CCDC197: variants seen among roughly 807,000 people sequenced by gnomAD.
CCDC197 encodes the protein coiled-coil domain containing 197, also known as uncharacterized protein CCDC197.
Under a neutral mutation model 13.4 loss-of-function variants are expected in CCDC197, and 24 were observed. The ratio of observed to expected loss-of-function variants is 1.80; its 90% CI spans 1.30 to 2.53. CCDC197 has a LOEUF of 2.53. Ranked by LOEUF, CCDC197 falls within the 30% of genes most tolerant of loss-of-function variation. The pLI, the probability that CCDC197 is intolerant of heterozygous loss-of-function variation, is 0.00. For synonymous variants in CCDC197, 99 were observed against 55.5 expected, an observed-to-expected ratio of 1.78 and a Z score of -3.48; for missense variants, 255 against 148.8, an observed-to-expected ratio of 1.71 and a Z score of -3.71.
intron 1 of CCDC197, among the ~76,000 whole-genome samples, chr14:93,990,099 T>G (rs1388606845): frequency 6.6e-6 from 1 of 152,212 alleles, no homozygotes; most frequent in Admixed American, 6.5e-5. Context: ...ATGCTCTGCT[T>G]TAAAGGGCTT....
chr14:93,991,877 G>A (rs1890218939), intron 1 of CCDC197, among the ~76,000 whole-genome samples: 2 of 152,210 alleles, frequency 1.3e-5, no homozygotes, highest in African/African-American at 4.8e-5. Flanking sequence ...AAAAGCCACT[G>A]TGAGAGGAAT....
chr14:94,004,340 T>A (rs868092500), intron 5 of CCDC197, among the ~76,000 whole-genome samples: 2 of 152,046 alleles, frequency 1.3e-5, no homozygotes, highest in South Asian at 2.1e-4. Context: ...ATGGAGTGAG[T>A]GTGAGACCTG....
At chr14:93,995,769 C>A (rs1034493067), upstream of CCDC197, among the ~76,000 whole-genome samples, 3 of 152,172 alleles carry the variant, frequency 2.0e-5, no homozygotes, top group Admixed American at 6.5e-5. Context: ...GAGCCCCTGT[C>A]CTCTCTGGAT....
intron 6 of CCDC197, among the ~76,000 whole-genome samples, chr14:94,008,150 AGATTGGGCCTCTG>A (rs1246376503): frequency 6.6e-6 from 1 of 152,266 alleles, no homozygotes; most frequent in African/African-American, 2.4e-5. Context: ...AGCAACAATC[AGATTGGGCCTCTG>A]GATTGACATC....
chr14:94,005,504 C>A (rs768410618), intron 6 of CCDC197, among the ~76,000 whole-genome samples: 1 of 152,130 alleles, frequency 6.6e-6, no homozygotes, highest in South Asian at 2.1e-4. Flanking sequence ...CTTTCCTCAC[C>A]GCCCCCATCA....
chr14:93,999,422 G>A (rs1344272042), intron 2 of CCDC197, 161 bp from the exon 3 acceptor site: 1 of 601,892 alleles, frequency 1.7e-6, no homozygotes, highest in African/African-American at 1.9e-5. Context: ...TGAAATGAAG[G>A]TGCAGAGACT....
At chr14:94,011,044 C>T (rs1345234577), downstream of CCDC197, among the ~76,000 whole-genome samples, 1 of 152,176 alleles carries the variant, frequency 6.6e-6, no homozygotes, top group Non-Finnish European at 1.5e-5. Context: ...AAAACCACTG[C>T]TTTAGAGTAA....
upstream of CCDC197, among the ~76,000 whole-genome samples, chr14:93,995,088 T>C (rs1890257542): frequency 6.6e-6 from 1 of 152,214 alleles, no homozygotes; most frequent in Non-Finnish European, 1.5e-5. Context: ...ATGGAAGTGC[T>C]TAGACCTGAG....
downstream of CCDC197, among the ~76,000 whole-genome samples, chr14:94,011,684 TC>T (rs1341649564): frequency 6.6e-6 from 1 of 152,226 alleles, no homozygotes; most frequent in Admixed American, 6.5e-5. Context: ...AAGCACTAGT[TC>T]AGGTACCTTA....
intron 6 of CCDC197, among the ~76,000 whole-genome samples, chr14:94,006,681 G>A (rs1890690071): frequency 6.6e-6 from 1 of 151,984 alleles, no homozygotes; most frequent in Non-Finnish European, 1.5e-5. Flanking sequence ...TAGTTGAGTT[G>A]TAAGAATTCT....
chr14:94,007,013 A>T (rs1240180396), intron 6 of CCDC197: 1 of 151,962 alleles, frequency 6.6e-6, no homozygotes, highest in African/African-American at 2.4e-5. Context: ...TTTGGTAGAG[A>T]CAGGGTTTCA....
chr14:94,001,351 TC>T, intron 4 of CCDC197, 28 bp downstream of exon 4: 1 of 725,726 alleles, frequency 1.4e-6, no homozygotes, highest in Non-Finnish European at 2.6e-6. Context: ...TCTGCTCCAT[TC>T]CCCGTGGCCC....
rs143654674 is a variant in CCDC197 at position 93,999,661 on chromosome 14, C to T, written c.183C>T (p.Pro61=). 53 of 780,898 alleles carry T rather than the reference C, an allele frequency of 6.8e-5. No individual in the cohort carries two copies. Among genetic ancestry groups the T allele is most frequent in the African/African-American group, 3.4e-4 (20 of 59,128 alleles). The allele number at this position is 780,898 out of a possible 1,614,324, so 48.4% of individuals were successfully genotyped here. A position where few individuals can be genotyped will look rare whatever the true frequency, so the allele number is the denominator to read the frequency against. ...TGATTAAGGTCCTTGAGAAAATCCC[C>T]GAGGGTATGTACACAGCTTCCTCGG... ...DYLIKVLEKI[P]EGCTGWEEPE... The change falls in exon 3 of 7, where the codon CCC becomes CCT. Residue 61 remains proline (P), a synonymous_variant. Coordinates refer to ENST00000636493, the MANE Select transcript of CCDC197 (RefSeq NM_001351596.2).
chr14:93,990,582 A>G (rs1365055557), intron 1 of CCDC197, among the ~76,000 whole-genome samples: 1 of 152,198 alleles, frequency 6.6e-6, no homozygotes, highest in Non-Finnish European at 1.5e-5. Flanking sequence ...AGATGGAATG[A>G]CTGCCCAAGG....
At chr14:93,989,833 T>C (rs1890175156) in intron 1 of CCDC197, among the ~76,000 whole-genome samples, 1 of 152,170 alleles carries the variant, frequency 6.6e-6, no homozygotes, top group Non-Finnish European at 1.5e-5. Flanking sequence ...GCCTCTTATC[T>C]GGAGGCCCTG....
At chr14:93,997,749 G>T (rs1056303447) in intron 1 of CCDC197, among the ~76,000 whole-genome samples, 178 bp downstream of exon 1, 1 of 152,184 alleles carries the variant, frequency 6.6e-6, no homozygotes, top group Non-Finnish European at 1.5e-5. Context: ...GCCAGCACTT[G>T]TTGAAAGTTC....
At chr14:94,008,420 G>GA (rs1890744964) in intron 6 of CCDC197, among the ~76,000 whole-genome samples, 189 bp from the exon 7 acceptor site, 2 of 152,310 alleles carry the variant, frequency 1.3e-5, no homozygotes, top group South Asian at 4.2e-4. Context: ...TGCCACATCA[G>GA]ACAAGTCACC....
intron 1 of CCDC197, among the ~76,000 whole-genome samples, chr14:93,987,750 T>A (rs1595345417): frequency 6.6e-6 from 1 of 151,976 alleles, no homozygotes; most frequent in Non-Finnish European, 1.5e-5. Flanking sequence ...GAGGTAACAC[T>A]CCAGCAAGTC....
chr14:94,010,779 G>A (rs1392095298), downstream of CCDC197, among the ~76,000 whole-genome samples: 1 of 152,168 alleles, frequency 6.6e-6, no homozygotes, highest in Non-Finnish European at 1.5e-5. Flanking sequence ...CAAGGGCGGT[G>A]CAAGGGGAGC....
Sources: allele counts gnomAD v4.1 joint callset (sites outside exome capture counted in the v4.1 genomes callset), GRCh38; gene constraint gnomAD v4.1.1; transcripts MANE v1.5; gene names NCBI Gene and HGNC (gene_info 2026-07-23, HGNC 2026-07-21).